Variants in SGCD observed in about 807,000 individuals in gnomAD.
The protein encoded by SGCD is delta-sarcoglycan.
SGCD carries 18 observed loss-of-function variants against 36.6 expected under a neutral mutation model. The ratio of observed to expected loss-of-function variants is 0.49; its 90% CI spans 0.34 to 0.73. The LOEUF is 0.73. SGCD is among the 30% of genes least tolerant of loss of function. The pLI is 0.01. For synonymous variants in SGCD, 133 were observed against 130.6 expected (o/e 1.02, Z -0.12); for missense variants, 387 against 346.7 (o/e 1.12, Z -0.92).
At chr5:156,273,539 A>G (rs1227912288) in intron 3 of SGCD, among the ~76,000 whole-genome samples, 1 of 152,132 alleles carries the variant, frequency 6.6e-6, no homozygotes, top group Non-Finnish European at 1.5e-5. Flanking sequence ...TAACTCTATG[A>G]TGGGCTCTTT....
intron 4 of SGCD, among the ~76,000 whole-genome samples, chr5:156,538,240 G>T (rs1280877568): frequency 1.3e-5 from 2 of 152,112 alleles, no homozygotes; most frequent in Admixed American, 6.6e-5. Context: ...TTGAAGAATA[G>T]ATAAGAAAAC....
intron 3 of SGCD, among the ~76,000 whole-genome samples, chr5:156,354,708 A>C (rs1423602433): frequency 1.3e-5 from 2 of 152,230 alleles, no homozygotes; most frequent in African/African-American, 4.8e-5. Context: ...AGCTCTGAAT[A>C]ACTCTCAGAA....
chr5:156,335,618 G>A (rs4705007), intron 2 of SGCD, among the ~76,000 whole-genome samples: 114,517 of 152,006 alleles, frequency 0.75, 44,143 homozygotes, highest in African/African-American at 0.92. Context: ...ACATTAACAC[G>A]CCTGTCTCTT....
chr5:155,876,458 A>T lies in SGCD; in HGVS notation c.-282+6034A>T, dbSNP rs186923534. 4.6e-3 allele frequency among the ~76,000 whole-genome samples: 702 copies of T among 152,194 alleles called. 2 individuals are homozygous for T. Among genetic ancestry groups the T allele is most frequent in the Non-Finnish European group, 6.4e-3 (433 of 67,986 alleles). ...TGGAAGTGGTTGTGTTATATTTATA[A>T]GAAATTTACCTTCCTTCTAAAGTGC... On this transcript the variant is annotated intron_variant, in intron 1 of 9. Coordinates refer to the SGCD transcript ENST00000517913.
intron 1 of SGCD, among the ~76,000 whole-genome samples, chr5:156,101,495 A>C (rs1052289731): frequency 3.3e-5 from 5 of 152,190 alleles, no homozygotes; most frequent in African/African-American, 1.2e-4. Context: ...AGAATCTAGA[A>C]ATATACCTTT....
intron 4 of SGCD, among the ~76,000 whole-genome samples, chr5:156,586,751 G>GT (rs541817984): frequency 1.7e-4 from 26 of 152,128 alleles, no homozygotes; most frequent in African/African-American, 5.5e-4. Flanking sequence ...TAAGATTTTG[G>GT]TTTTTTTGTT....
chr5:156,577,716 TTGTC>T (rs1358082918), intron 4 of SGCD, among the ~76,000 whole-genome samples: 1 of 152,202 alleles, frequency 6.6e-6, no homozygotes, highest in Admixed American at 6.5e-5. Flanking sequence ...GGCTCTGTGT[TTGTC>T]TATTATTGGT....
At chr5:156,683,318 G>A (rs923133926) in intron 7 of SGCD, among the ~76,000 whole-genome samples, 1 of 152,108 alleles carries the variant, frequency 6.6e-6, no homozygotes, top group Non-Finnish European at 1.5e-5. Flanking sequence ...CTTCATCTTT[G>A]TATCCATAAT....
intron 3 of SGCD, among the ~76,000 whole-genome samples, chr5:156,473,568 A>T (rs1416079881): frequency 6.6e-6 from 1 of 152,242 alleles, no homozygotes; most frequent in African/African-American, 2.4e-5. Flanking sequence ...AGAAAGAAGA[A>T]CCATAGACGA....
chr5:156,093,567 T>C (rs1347914483), intron 1 of SGCD, among the ~76,000 whole-genome samples: 11 of 152,220 alleles, frequency 7.2e-5, no homozygotes, highest in Admixed American at 7.2e-4. Flanking sequence ...TGGGCATTAG[T>C]CCTCTAACTC....
At chr5:156,490,124 T>C (rs1045791883) in intron 3 of SGCD, among the ~76,000 whole-genome samples, 6 of 151,982 alleles carry the variant, frequency 3.9e-5, no homozygotes, top group African/African-American at 1.4e-4. Context: ...ATGGATAAAT[T>C]ACTGGACACA....
intron 1 of SGCD, among the ~76,000 whole-genome samples, chr5:155,963,350 A>C (rs1306974144): frequency 6.6e-6 from 1 of 152,162 alleles, no homozygotes; most frequent in Non-Finnish European, 1.5e-5. Flanking sequence ...TTATCAAAGC[A>C]ATTATTTGAT....
intron 1 of SGCD, among the ~76,000 whole-genome samples, chr5:156,071,935 A>G (rs886547375): frequency 6.6e-6 from 1 of 152,032 alleles, no homozygotes; most frequent in Non-Finnish European, 1.5e-5. Context: ...CTGTTTTATC[A>G]GAGACTAGGA....
intron 3 of SGCD, among the ~76,000 whole-genome samples, chr5:156,293,839 C>T (rs180719538): frequency 6.6e-6 from 1 of 151,918 alleles, no homozygotes; most frequent in East Asian, 1.9e-4. Flanking sequence ...AATTTTTCTA[C>T]TGCAAGAAAG....
chr5:156,112,277 G>A (rs2127599775), intron 1 of SGCD, among the ~76,000 whole-genome samples: 1 of 152,256 alleles, frequency 6.6e-6, no homozygotes, highest in South Asian at 2.1e-4. Flanking sequence ...CAATTATCAA[G>A]CATTTCTTTA....
chr5:156,436,834 A>G (rs141376633), intron 3 of SGCD, among the ~76,000 whole-genome samples: 151 of 152,222 alleles, frequency 9.9e-4, no homozygotes, highest in African/African-American at 3.5e-3. Context: ...CCTCCCAGAG[A>G]CCCCTCCTTT....
At chr5:155,952,581 G>A (rs530767476) in intron 1 of SGCD, among the ~76,000 whole-genome samples, 1 of 152,222 alleles carries the variant, frequency 6.6e-6, no homozygotes, top group South Asian at 2.1e-4. Flanking sequence ...AAACAGTCAT[G>A]GGGAGGGCTG....
At chr5:155,805,734 G>A in the SGCD span, among the ~76,000 whole-genome samples, 1 of 152,244 alleles carries the variant, frequency 6.6e-6, no homozygotes, top group East Asian at 1.9e-4. Context: ...GGTGCCAGTG[G>A]AGAGGAGGCG....
chr5:156,755,800 G>C (rs1200977834), intron 7 of SGCD, among the ~76,000 whole-genome samples: 1 of 152,162 alleles, frequency 6.6e-6, no homozygotes, highest in East Asian at 1.9e-4. Context: ...AAGTACTCCA[G>C]GACTATTGCT....
Sources: allele counts gnomAD v4.1 joint callset (sites outside exome capture counted in the v4.1 genomes callset), GRCh38; gene constraint gnomAD v4.1.1; transcripts MANE v1.5; gene names NCBI Gene and HGNC (gene_info 2026-07-23, HGNC 2026-07-21).